KMT2A: variants seen among roughly 807,000 people sequenced by gnomAD.
The protein encoded by KMT2A is histone-lysine N-methyltransferase 2A.
Under a neutral mutation model 345.3 loss-of-function variants are expected in KMT2A, and 16 were observed. That is an observed-to-expected ratio of 0.05 (90% CI 0.03 to 0.07). The LOEUF (loss-of-function observed/expected upper bound fraction) is 0.07. Ranked by LOEUF, KMT2A falls within the 10% of genes least tolerant of loss-of-function variation. KMT2A has a pLI of 1.00. For missense variants in KMT2A, 3,272 were observed against 4,841.6 expected (o/e 0.68, Z 9.62); for synonymous variants, 1,599 against 1,778.6 (o/e 0.90, Z 2.54).
intron 1 of KMT2A, among the ~76,000 whole-genome samples, chr11:118,467,739 T>C (rs1333515046): frequency 6.6e-6 from 1 of 152,254 alleles, no homozygotes; most frequent in African/African-American, 2.4e-5. Context: ...CATGTGTTCT[T>C]ACCTCTCGAG....
chr11:118,505,984 C>T lies in KMT2A; in HGVS notation c.10092C>T (p.His3364=), dbSNP rs782320299. The T allele has an allele frequency of 6.7e-5, 108 of 1,614,082 alleles. No homozygotes were observed. In the Admixed American group the frequency reaches 7.2e-4, roughly 11 times the overall value. ...TPTSSASVPG[H]VTLTNPRLLG... is the part of the protein sequence containing the mutation. ...CAAGTAGTGCGTCAGTTCCAGGACA[C>T]GTCACCTTAACCAACCCAAGGTTGC... Residue 3364 remains histidine, a synonymous_variant, in exon 27 of 36, where the codon CAC becomes CAT. Coordinates refer to ENST00000534358, the MANE Select transcript of KMT2A (RefSeq NM_001197104.2). This position sits in a 1 kb window ranked among gnomAD's most constrained non-coding sequence, Gnocchi z 4.6.
intron 1 of KMT2A, chr11:118,439,155 C>G: frequency 3.9e-6 from 1 of 258,580 alleles, no homozygotes. Context: ...AAAGATACAG[C>G]AGCAAAAAAA....
Position 118,494,819 on chromosome 11 carries a change from G to C in KMT2A, c.5363+52G>C. On this transcript the variant is annotated intron_variant, in intron 18 of 35. Coordinates refer to ENST00000534358, the MANE Select transcript of KMT2A (RefSeq NM_001197104.2). The surrounding 1 kb of genome is among the most constrained non-coding windows in gnomAD (Gnocchi z 5.8). The stretch of plus-strand genomic sequence containing the variant: ...TTCTCCTCATCGGCTAGAAATCTGA[G>C]AGTTCTCATATTTCTAGATTGCAGT... 1 of 1,400,072 alleles carries C rather than the reference G, an allele frequency of 7.1e-7. No individual in the cohort carries two copies. Among genetic ancestry groups the C allele is most frequent in the Non-Finnish European group, 1.0e-6 (1 of 990,476 alleles). The allele number at this position is 1,400,072 out of a possible 1,614,324, so 86.7% of individuals were successfully genotyped here. A position where few individuals can be genotyped will look rare whatever the true frequency, so the allele number is the denominator to read the frequency against.
chr11:118,492,287 A>G (rs960732585), intron 15 of KMT2A, among the ~76,000 whole-genome samples: 4 of 152,264 alleles, frequency 2.6e-5, no homozygotes, highest in Admixed American at 2.0e-4. Context: ...GCCTAGAGGC[A>G]GGATTCGTAG....
In KMT2A at chr11:118,498,766, A is replaced by G. The variant is rs1950451116; in HGVS notation, c.5961+238A>G. Among the ~76,000 whole-genome samples the G allele has an allele frequency of 6.6e-6, 1 of 151,802 alleles. No individual in the cohort carries two copies. The highest frequency in any genetic ancestry group is 2.1e-4 in the South Asian group (1 of 4,800). ...ACTCCTGTAGTTTACATCAGCATTCACTCTTGGTGTTGTACATTCTGTGGG... is the reference window on the plus strand; with the variant it reads ...ACTCCTGTAGTTTACATCAGCATTCGCTCTTGGTGTTGTACATTCTGTGGG... On this transcript the variant is annotated intron_variant, in intron 22 of 35. Coordinates refer to ENST00000534358, the MANE Select transcript of KMT2A (RefSeq NM_001197104.2). The surrounding 1 kb of genome is among the most constrained non-coding windows in gnomAD (Gnocchi z 4.4).
At chr11:118,483,236 A>T (rs1389010514) in intron 8 of KMT2A, among the ~76,000 whole-genome samples, 1 of 150,138 alleles carries the variant, frequency 6.7e-6, no homozygotes, top group Non-Finnish European at 1.5e-5. Context: ...CCATCCCAAA[A>T]AAAAAAAAAA....
In KMT2A at chr11:118,477,986, C is replaced by T. The variant is rs781896757; in HGVS notation, c.3354C>T (p.Gly1118=). 1.2e-6 allele frequency: 2 copies of T among 1,614,108 alleles called. No individual in the cohort carries two copies. Among genetic ancestry groups the T allele is most frequent in the South Asian group, 1.1e-5 (1 of 91,084 alleles). The stretch of plus-strand genomic sequence containing the variant: ...TAACAGACAAGTCATCAATTGCTGG[C>T]TCAGAAGATGCTGAACCTCTTGCTC... ...MGNDDKSSIA[G]SEDAEPLAPP... is the part of the protein sequence containing the mutation. The change falls in exon 5 of 36, where the codon GGC becomes GGT. Residue 1118 remains glycine, a synonymous_variant. Coordinates refer to ENST00000534358, the MANE Select transcript of KMT2A (RefSeq NM_001197104.2).
chr11:118,519,817 C>T (rs1169805392), intron 32 of KMT2A, 25 bp downstream of exon 32: 1 of 1,604,892 alleles, frequency 6.2e-7, no homozygotes. Flanking sequence ...TTTCTGTCAG[C>T]AGTTTTGGGT....
In KMT2A at chr11:118,505,031, C is replaced by G. The variant is rs1555047532; in HGVS notation, c.9139C>G (p.Gln3047Glu). ...TTCCCCAACTGTTCCCATCCAGAAC[C>G]AGAAGTATGTGCCCAATTCTACTGA... ...PVSPTVPIQNQKYVPNSTDSP... is the reference protein window; with the variant it reads ...PVSPTVPIQNEKYVPNSTDSP... The change falls in exon 27 of 36, where the codon CAG becomes GAG. Residue 3047 changes from glutamine (Q) to glutamate (E), a missense_variant. Gln to Glu is a conservative substitution (Grantham distance 29). This residue lies in a region of KMT2A where 748 missense variants were observed against 922.2 expected (regional missense o/e 0.81). Transcript: ENST00000534358. The surrounding 1 kb of genome is among the most constrained non-coding windows in gnomAD (Gnocchi z 4.6). 1.2e-6 allele frequency: 2 copies of G among 1,614,162 alleles called. No individual in the cohort carries two copies. Among genetic ancestry groups the G allele is most frequent in the Middle Eastern group, 1.6e-4 (1 of 6,062 alleles).
At chr11:118,444,556 C>A (rs1182757732) in intron 1 of KMT2A, among the ~76,000 whole-genome samples, 1 of 152,154 alleles carries the variant, frequency 6.6e-6, no homozygotes, top group Non-Finnish European at 1.5e-5. Flanking sequence ...GCTCAGCCAT[C>A]TTGAAAAAGT....
intron 31 of KMT2A, among the ~76,000 whole-genome samples, chr11:118,512,640 A>T (rs1352064216): frequency 6.6e-6 from 1 of 152,002 alleles, no homozygotes; most frequent in Non-Finnish European, 1.5e-5. Context: ...ATTTTTTTTC[A>T]GTATATACCT....
rs528567888 is a variant in KMT2A at position 118,498,663 on chromosome 11, C to A, written c.5961+135C>A. On this transcript the variant is annotated intron_variant, in intron 22 of 35. Coordinates refer to ENST00000534358, the MANE Select transcript of KMT2A (RefSeq NM_001197104.2). The surrounding 1 kb of genome is among the most constrained non-coding windows in gnomAD (Gnocchi z 4.4). ...GCACCCACATATGCACAGCCTCCCC[C>A]ATGATCAGCATCCCCCACCAGAGTG... 51 of 791,766 alleles carry A rather than the reference C, an allele frequency of 6.4e-5. No homozygotes were observed. In the African/African-American group the frequency reaches 8.5e-4, roughly 13 times the overall value. 49.0% of individuals were successfully genotyped at this position (791,766 alleles called of 1,614,324 possible). A position where few individuals can be genotyped will look rare whatever the true frequency, so the allele number is the denominator to read the frequency against.
Position 118,510,156 on chromosome 11 carries a change from C to T in KMT2A, c.11071+38C>T, listed in dbSNP as rs782567500. The T allele has an allele frequency of 3.3e-6, 5 of 1,525,602 alleles. No individual in the cohort carries two copies. Among genetic ancestry groups the T allele is most frequent in the African/African-American group, 1.4e-5 (1 of 72,076 alleles). 94.5% of individuals were successfully genotyped at this position (1,525,602 alleles called of 1,614,324 possible). On this transcript the variant is annotated intron_variant, in intron 30 of 35. Coordinates refer to ENST00000534358, the MANE Select transcript of KMT2A (RefSeq NM_001197104.2). The surrounding 1 kb of genome is among the most constrained non-coding windows in gnomAD (Gnocchi z 4.1). ...AATCAGGTTGACCCATCAGCAGAAG[C>T]CCTGTTTCAGCTAGAGCTTCATTTT...
intron 2 of KMT2A, among the ~76,000 whole-genome samples, chr11:118,470,163 T>C (rs1269647984): frequency 1.3e-5 from 2 of 152,342 alleles, no homozygotes; most frequent in East Asian, 3.9e-4. Flanking sequence ...TCTACTTATC[T>C]ACCAAAAGAG....
Position 118,474,085 on chromosome 11 carries a change from C to T in KMT2A, c.2926C>T (p.Leu976Phe), listed in dbSNP as rs782312317. Residue 976 changes from leucine (L) to phenylalanine (F), a missense_variant, in exon 3 of 36, where the codon CTC becomes TTC. This residue lies in a region of KMT2A where 39 missense variants were observed against 88.9 expected (regional missense o/e 0.44). Transcript: ENST00000534358. ...AAATCTGGAAAAAACCAACTTGGAC[C>T]TCGGCCCAACTGCCCCATCCCTGGA... The part of the protein sequence containing the change: ...RGNLEKTNLD[L>F]GPTAPSLEKE... 2 of 1,614,014 alleles carry T rather than the reference C, an allele frequency of 1.2e-6. No individual in the cohort carries two copies. The highest frequency in any genetic ancestry group is 2.2e-5 in the East Asian group (1 of 44,872).
In KMT2A at chr11:118,489,906, G is replaced by T. The variant is rs1302119721; in HGVS notation, c.4575+19G>T. On this transcript the variant is annotated intron_variant, in intron 12 of 35. Transcript: ENST00000534358. The stretch of plus-strand genomic sequence containing the variant: ...AGTCTGGGTGAGTTATACACATGAT[G>T]CTCTTTTATAGAGAACCACCATGTG... The T allele has an allele frequency of 1.9e-6, 3 of 1,599,440 alleles. No individual in the cohort carries two copies. The highest frequency in any genetic ancestry group is 2.6e-6 in the Non-Finnish European group (3 of 1,166,738).
Position 118,504,667 on chromosome 11 carries a change from G to A in KMT2A, c.8775G>A (p.Glu2925=), listed in dbSNP as rs368865070. 6.2e-7 allele frequency: 1 copy of A among 1,614,170 alleles called. No homozygotes were observed. Among genetic ancestry groups the A allele is most frequent in the Non-Finnish European group, 8.5e-7 (1 of 1,180,028 alleles). Residue 2925 remains glutamate, a synonymous_variant, in exon 27 of 36, where the codon GAG becomes GAA. Coordinates refer to ENST00000534358, the MANE Select transcript of KMT2A (RefSeq NM_001197104.2). The surrounding 1 kb of genome is among the most constrained non-coding windows in gnomAD (Gnocchi z 6.4). The part of the protein sequence containing the change: ...SSSISAEEQF[E]LPLELPSDLS... ...CTATCTCAGCAGAGGAACAGTTTGA[G>A]TTGCCTCTAGAGCTACCATCTGATC... is the stretch of plus-strand genomic sequence containing the variant.
At chr11:118,499,803 C>T in intron 23 of KMT2A, 32 bp from the exon 24 acceptor site, 1 of 1,486,994 alleles carries the variant, frequency 6.7e-7, no homozygotes, top group Non-Finnish European at 9.4e-7. Context: ...CGCTCATAAT[C>T]TTCTCTAATC....
chr11:118,505,180 T>C lies in KMT2A; in HGVS notation c.9288T>C (p.Thr3096=). ...QNMQPLYVLQ[T]LPNGVTQKIQ... ...TGCAGCCACTTTATGTTCTCCAAACTCTTCCAAATGGAGTGACCCAAAAAA... is the reference window on the plus strand; with the variant it reads ...TGCAGCCACTTTATGTTCTCCAAACCCTTCCAAATGGAGTGACCCAAAAAA... The change falls in exon 27 of 36, where the codon ACT becomes ACC. Residue 3096 remains threonine, a synonymous_variant. Coordinates refer to ENST00000534358, the MANE Select transcript of KMT2A (RefSeq NM_001197104.2). The surrounding 1 kb of genome is among the most constrained non-coding windows in gnomAD (Gnocchi z 4.6). 1 of 1,614,102 alleles carries C rather than the reference T, an allele frequency of 6.2e-7. No individual in the cohort carries two copies. Among genetic ancestry groups the C allele is most frequent in the Non-Finnish European group, 8.5e-7 (1 of 1,180,008 alleles).
Sources: gnomAD v4.1 joint callset for allele counts (sites outside exome capture counted in the v4.1 genomes callset) on GRCh38, gnomAD v4.1.1 for gene constraint, gnomAD v4.1.1 regional missense constraint, Gnocchi (gnomAD v3.1) non-coding constraint, MANE v1.5 for transcripts, NCBI Gene and HGNC (gene_info 2026-07-23, HGNC 2026-07-21) for gene names.